Variants in PDZRN3 observed in about 807,000 individuals in gnomAD.
PDZRN3 encodes the protein E3 ubiquitin-protein ligase PDZRN3.
A neutral mutation model predicts 85.7 loss-of-function variants in PDZRN3; 38 were observed. The ratio of observed to expected loss-of-function variants is 0.44; its 90% CI spans 0.34 to 0.58. The LOEUF is 0.58. Ranked by LOEUF, PDZRN3 falls within the 20% of genes least tolerant of loss-of-function variation. The probability of loss-of-function intolerance (pLI) is 0.01; values close to 1 mark genes in which losing one functional copy is unlikely to be tolerated. For missense variants in PDZRN3, 1,629 were observed against 1,506.4 expected (o/e 1.08, Z -1.35); for synonymous variants, 759 against 638.0 (o/e 1.19, Z -2.86).
At chr3:73,548,077 T>C (rs1327462023) in intron 3 of PDZRN3, among the ~76,000 whole-genome samples, 1 of 151,940 alleles carries the variant, frequency 6.6e-6, no homozygotes, top group Non-Finnish European at 1.5e-5. Flanking sequence ...TCTGTGAAAA[T>C]GTTAAAGCGG....
rs538408031 is a variant in PDZRN3, at chr3:73,415,950, G to T, written c.919-11555C>A. On this transcript the variant is annotated intron_variant, in intron 3 of 9. Transcript: ENST00000263666. ...ATAGTGTGTCACATACTGGACATTT[G>T]CCAAGAGAGTAGATTTTTAGGTACT... Among the ~76,000 whole-genome samples, 3 of 144,318 alleles carry T rather than the reference G, an allele frequency of 2.1e-5. No individual in the cohort carries two copies. In the South Asian group the frequency reaches 6.6e-4, roughly 32 times the overall value. The allele number at this position is 144,318 out of a possible 152,430, so 94.7% of individuals were successfully genotyped here.
intron 3 of PDZRN3, among the ~76,000 whole-genome samples, chr3:73,507,509 C>T (rs565927520): frequency 5.3e-5 from 8 of 152,114 alleles, no homozygotes; most frequent in South Asian, 2.1e-4. Flanking sequence ...ATGAAGCACA[C>T]GTAAGGCATA....
chr3:73,468,348 G>T (rs1196482929), intron 3 of PDZRN3, among the ~76,000 whole-genome samples: 1 of 152,104 alleles, frequency 6.6e-6, no homozygotes, highest in African/African-American at 2.4e-5. Context: ...TTATAGTTTG[G>T]TTACACATTT....
chr3:73,469,719 A>G (rs1440631148), intron 3 of PDZRN3, among the ~76,000 whole-genome samples: 4 of 152,130 alleles, frequency 2.6e-5, no homozygotes, highest in Non-Finnish European at 4.4e-5. Context: ...TTTTTTTCAT[A>G]ACATTAGAAA....
intron 3 of PDZRN3, among the ~76,000 whole-genome samples, chr3:73,496,380 GAGA>G (rs902788669): frequency 4.4e-3 from 2 of 454 alleles, no homozygotes; most frequent in Non-Finnish European, 0.012. Context: ...TACGAACATA[GAGA>G]ACTAACTTAA....
chr3:73,459,197 A>G (rs1362497740), intron 3 of PDZRN3, among the ~76,000 whole-genome samples: 1 of 152,008 alleles, frequency 6.6e-6, no homozygotes, highest in Non-Finnish European at 1.5e-5. Context: ...TCACTATCAT[A>G]AGAACAGTAC....
rs1372637624 is a variant in PDZRN3 at position 73,384,213 on chromosome 3, C to A, written c.2353G>T (p.Gly785Cys). ...CCTTCGCTGCTCGGGCAGCTGATGC[C>A]CTCCGCCGCTCTCCTCAAGGAGTTG... The part of the protein sequence containing the change: ...PDNSLRRAAE[G>C]ISCPSSEGAV... The change falls in exon 10 of 10, where the codon GGC becomes TGC. Residue 785 changes from glycine to cysteine, a missense_variant. Coordinates refer to ENST00000263666, the MANE Select transcript of PDZRN3 (RefSeq NM_015009.3). The A allele has an allele frequency of 6.2e-7, 1 of 1,613,878 alleles. No homozygotes were observed. Among genetic ancestry groups the A allele is most frequent in the Non-Finnish European group, 8.5e-7 (1 of 1,180,038 alleles).
At chr3:73,569,292 A>G (rs1302746667) in intron 3 of PDZRN3, 2 of 1,246,776 alleles carry the variant, frequency 1.6e-6, no homozygotes, top group African/African-American at 1.6e-5. Context: ...AGACTGAGAT[A>G]CTGAGATTCT....
At chr3:73,465,074 C>T (rs1004182479) in intron 3 of PDZRN3, among the ~76,000 whole-genome samples, 1 of 152,172 alleles carries the variant, frequency 6.6e-6, no homozygotes, top group African/African-American at 2.4e-5. Context: ...TAAGTTGTCT[C>T]TAGGTTGCTT....
At chr3:73,505,464 T>C (rs545425141) in intron 3 of PDZRN3, among the ~76,000 whole-genome samples, 111 of 152,246 alleles carry the variant, frequency 7.3e-4, no homozygotes, top group African/African-American at 2.5e-3. Context: ...CAAACAAAAA[T>C]TGCAAAACAT....
intron 5 of PDZRN3, among the ~76,000 whole-genome samples, chr3:73,397,545 G>C (rs3845873): frequency 0.62 from 94,636 of 151,834 alleles, 29,800 homozygotes; most frequent in East Asian, 0.86. Context: ...AGCATGCGGG[G>C]TTTATTAATT....
In PDZRN3 at chr3:73,624,193, C is replaced by A; in HGVS notation, c.633G>T (p.Met211Ile). 1 of 1,499,900 alleles carries A rather than the reference C, an allele frequency of 6.7e-7. No homozygotes were observed. The highest frequency in any genetic ancestry group is 1.2e-5 in the South Asian group (1 of 80,034). 92.9% of individuals were successfully genotyped at this position (1,499,900 alleles called of 1,614,324 possible). ...ATTTCTTCTGGTAGCGCAGCGCGGTCATCTGCAGCTCAAGCTGCGCCGCGG... is the reference window on the plus strand; with the variant it reads ...ATTTCTTCTGGTAGCGCAGCGCGGTAATCTGCAGCTCAAGCTGCGCCGCGG... Reference protein sequence around the residue: ...QLAAAQLELQMTALRYQKKFT... With the variant: ...QLAAAQLELQITALRYQKKFT... Residue 211 changes from methionine (M) to isoleucine (I), a missense_variant, in exon 1 of 10, where the codon ATG becomes ATT. Physicochemically the swap from Met to Ile is conservative, Grantham distance 10. Transcript: ENST00000263666.
At chr3:73,443,039 G>A (rs1702672592) in intron 3 of PDZRN3, among the ~76,000 whole-genome samples, 1 of 152,180 alleles carries the variant, frequency 6.6e-6, no homozygotes, top group African/African-American at 2.4e-5. Flanking sequence ...CACTTCAAGT[G>A]GGGGCGTGGG....
At chr3:73,570,993 G>C (rs1045085673) in intron 3 of PDZRN3, among the ~76,000 whole-genome samples, 1 of 152,178 alleles carries the variant, frequency 6.6e-6, no homozygotes, top group Non-Finnish European at 1.5e-5. Context: ...GAAAGATTGT[G>C]ATTTTTATCA....
intron 3 of PDZRN3, among the ~76,000 whole-genome samples, chr3:73,586,659 T>C (rs1304576747): frequency 6.6e-6 from 1 of 152,126 alleles, no homozygotes; most frequent in East Asian, 1.9e-4. Context: ...CCTATTTAGG[T>C]GTAACTTACT....
At chr3:73,469,344 T>G (rs886845291) in intron 3 of PDZRN3, among the ~76,000 whole-genome samples, 9 of 152,202 alleles carry the variant, frequency 5.9e-5, no homozygotes, top group Non-Finnish European at 1.0e-4. Flanking sequence ...GTGCTGGGAT[T>G]ACAGGCGTGA....
chr3:73,579,936 G>A (rs753543064), intron 3 of PDZRN3, among the ~76,000 whole-genome samples: 16 of 152,040 alleles, frequency 1.1e-4, no homozygotes, highest in African/African-American at 3.1e-4. Flanking sequence ...AAATCTCACC[G>A]AAGCAGCAAT....
chr3:73,503,192 T>C (rs1169684339), intron 3 of PDZRN3, among the ~76,000 whole-genome samples: 1 of 152,262 alleles, frequency 6.6e-6, no homozygotes, highest in Non-Finnish European at 1.5e-5. Context: ...AAACTAGTTT[T>C]AGATACTAGT....
At chr3:73,400,656 A>G (rs1259902077) in intron 5 of PDZRN3, among the ~76,000 whole-genome samples, 1 of 152,246 alleles carries the variant, frequency 6.6e-6, no homozygotes, top group African/African-American at 2.4e-5. Context: ...TCAAAGGTTG[A>G]CAACAGGATT....
Sources: gnomAD v4.1 joint callset for allele counts (sites outside exome capture counted in the v4.1 genomes callset) on GRCh38, gnomAD v4.1.1 for gene constraint, MANE v1.5 for transcripts, NCBI Gene and HGNC (gene_info 2026-07-23, HGNC 2026-07-21) for gene names.